The following ZNF138 variants were observed in gnomAD, a reference collection of about 807,000 sequenced individuals.
ZNF138 encodes zinc finger protein 138.
ZNF138 carries 33 observed loss-of-function variants against 33.0 expected under a neutral mutation model. The observed-to-expected ratio is 1.00, with a 90% confidence interval of 0.76 to 1.34. ZNF138 has a LOEUF of 1.34. Ranked by LOEUF, ZNF138 falls within the 40% of genes most tolerant of loss-of-function variation. ZNF138 has a pLI of 0.00. For synonymous variants in ZNF138, 139 were observed against 120.4 expected (o/e 1.15, Z -1.01); for missense variants, 360 against 370.8 (o/e 0.97, Z 0.24).
At position 64,832,717 on chromosome 7, in the gene ZNF138, C is replaced by T; in HGVS notation, c.*515C>T. On this transcript the variant is annotated 3_prime_UTR_variant, in exon 4 of 4. Coordinates refer to ENST00000307355, the MANE Select transcript of ZNF138 (RefSeq NM_001271639.2). ...TTTAAGAAGTCCTCAACTCTTACTG[C>T]ACATAAGATCATTCATACTGGAGAG... The T allele has an allele frequency of 2.3e-6, 1 of 436,998 alleles. No homozygotes were observed. The allele number at this position is 436,998 out of a possible 1,614,324, so 27.1% of individuals were successfully genotyped here. A position where few individuals can be genotyped will look rare whatever the true frequency, so the allele number is the denominator to read the frequency against.
intron 1 of ZNF138, among the ~76,000 whole-genome samples, chr7:64,797,584 A>C (rs1341004805): frequency 6.6e-6 from 1 of 152,046 alleles, no homozygotes; most frequent in African/African-American, 2.4e-5. Context: ...GAGCCTGCTC[A>C]CCCCAGCCAT....
At chr7:64,837,384 G>A (rs1295904204), downstream of ZNF138, among the ~76,000 whole-genome samples, 1 of 152,082 alleles carries the variant, frequency 6.6e-6, no homozygotes, top group African/African-American at 2.4e-5. Context: ...GAGCGGTCCG[G>A]GCTTTGGAAG....
At chr7:64,827,634 T>G (rs1033416794) in intron 3 of ZNF138, among the ~76,000 whole-genome samples, 2 of 151,892 alleles carry the variant, frequency 1.3e-5, no homozygotes, top group African/African-American at 4.9e-5. Context: ...TCAAGTATTA[T>G]TAGTTAGATT....
At chr7:64,844,674 T>TTGTG in the ZNF138 span, among the ~76,000 whole-genome samples, 1 of 125,398 alleles carries the variant, frequency 8.0e-6, no homozygotes. Context: ...TATGTGTTTT[T>TTGTG]TTGTTTTGTT....
At chr7:64,800,207 G>C (rs184338103) in intron 1 of ZNF138, among the ~76,000 whole-genome samples, 15 of 152,238 alleles carry the variant, frequency 9.9e-5, no homozygotes, top group Admixed American at 7.2e-4. Flanking sequence ...CTGATTAACT[G>C]TGGTGTGGAC....
rs548709572 is a variant in ZNF138, at chr7:64,814,146, C to T, written c.4-772C>T. 4.5e-4 allele frequency: 528 copies of T among 1,173,780 alleles called. 3 individuals are homozygous for T. In the Middle Eastern group the frequency reaches 7.2e-3, roughly 16 times the overall value. The allele number at this position is 1,173,780 out of a possible 1,614,324, so 72.7% of individuals were successfully genotyped here. ...CTTGAGCCAAAAACATTGACATTAG[C>T]GGTGAGCTTGTTAGAAATTTAGAAT... On this transcript the variant is annotated intron_variant, in intron 1 of 3. Coordinates refer to ENST00000307355, the MANE Select transcript of ZNF138 (RefSeq NM_001271639.2).
chr7:64,805,694 A>G (rs1488057855), intron 1 of ZNF138, among the ~76,000 whole-genome samples: 2 of 152,254 alleles, frequency 1.3e-5, no homozygotes, highest in Admixed American at 6.5e-5. Context: ...AGGGCGTAGC[A>G]TAGCCATAAA....
chr7:64,836,063 C>T (rs530548880), downstream of ZNF138: 17 of 152,216 alleles, frequency 1.1e-4, no homozygotes, highest in African/African-American at 3.9e-4. Context: ...AAGTAGCCTC[C>T]GGGTGGTGCC....
At chr7:64,852,505 A>C in the ZNF138 span, 1 of 1,574,892 alleles carries the variant, frequency 6.3e-7, no homozygotes, top group Non-Finnish European at 8.7e-7. Context: ...CCTTCTCTAC[A>C]ATCCCAATAA....
At chr7:64,814,172 A>T in intron 1 of ZNF138, 1 of 1,095,630 alleles carries the variant, frequency 9.1e-7, no homozygotes, top group Non-Finnish European at 1.1e-6. Context: ...AATTTAGAAT[A>T]TCAGACTTTA....
intron 2 of ZNF138, 101 bp downstream of exon 2, chr7:64,815,145 A>T: frequency 8.3e-7 from 1 of 1,204,710 alleles, no homozygotes; most frequent in Non-Finnish European, 1.1e-6. Flanking sequence ...CTTTGCATAA[A>T]TGAGTTTCAG....
chr7:64,857,862 A>C, the ZNF138 span, among the ~76,000 whole-genome samples: 1 of 152,192 alleles, frequency 6.6e-6, no homozygotes, highest in African/African-American at 2.4e-5. Flanking sequence ...TATAAAGTGG[A>C]GACAGCATTG....
At chr7:64,846,341 A>G in the ZNF138 span, among the ~76,000 whole-genome samples, 1 of 152,060 alleles carries the variant, frequency 6.6e-6, no homozygotes, top group East Asian at 1.9e-4. Context: ...TAATTTGTAG[A>G]TTGCTTTTGG....
intron 3 of ZNF138, among the ~76,000 whole-genome samples, chr7:64,822,954 C>T (rs1282168300): frequency 6.6e-6 from 1 of 152,000 alleles, no homozygotes; most frequent in Non-Finnish European, 1.5e-5. Flanking sequence ...GATCTTGGCC[C>T]ACTGCAACCT....
the ZNF138 span, among the ~76,000 whole-genome samples, chr7:64,844,239 G>A: frequency 6.6e-6 from 1 of 152,204 alleles, no homozygotes; most frequent in Non-Finnish European, 1.5e-5. Context: ...CCAACCTGTT[G>A]TTATTATTTT....
chr7:64,858,369 TAGA>T, the ZNF138 span, among the ~76,000 whole-genome samples: 5 of 152,286 alleles, frequency 3.3e-5, no homozygotes, highest in African/African-American at 1.2e-4. Flanking sequence ...AGGATGCAGA[TAGA>T]AGATGAAAGA....
chr7:64,806,593 T>C (rs1454437556), intron 1 of ZNF138, among the ~76,000 whole-genome samples: 3 of 117,192 alleles, frequency 2.6e-5, no homozygotes, highest in Admixed American at 8.8e-5. Flanking sequence ...AACAAACATT[T>C]ATTTGAGAAA....
At chr7:64,825,407 G>A (rs529945316) in intron 3 of ZNF138, among the ~76,000 whole-genome samples, 2 of 151,478 alleles carry the variant, frequency 1.3e-5, no homozygotes, top group South Asian at 4.2e-4. Flanking sequence ...TTCTGACCTC[G>A]TGATCTGCCC....
chr7:64,832,338 G>T lies in ZNF138; in HGVS notation c.*136G>T. ...TAGCGGAGAGAAACCCCACAAATGTGAAGAATGTGGCAGAGCTTTTAACCA... is the reference window on the plus strand; with the variant it reads ...TAGCGGAGAGAAACCCCACAAATGTTAAGAATGTGGCAGAGCTTTTAACCA... On this transcript the variant is annotated 3_prime_UTR_variant, in exon 4 of 4. Transcript: ENST00000307355. 6.4e-7 allele frequency: 1 copy of T among 1,569,568 alleles called. No homozygotes were observed. Among genetic ancestry groups the T allele is most frequent in the South Asian group, 1.2e-5 (1 of 83,244 alleles).
Sources: allele counts gnomAD v4.1 joint callset (sites outside exome capture counted in the v4.1 genomes callset), GRCh38; gene constraint gnomAD v4.1.1; transcripts MANE v1.5; gene names NCBI Gene and HGNC (gene_info 2026-07-23, HGNC 2026-07-21).